Variants in DOK6 observed in about 807,000 individuals in gnomAD.
DOK6 encodes the protein downstream of tyrosine kinase 6.
A neutral mutation model predicts 44.0 loss-of-function variants in DOK6; 22 were observed. That is an observed-to-expected ratio of 0.50 (90% CI 0.36 to 0.71). DOK6 has a LOEUF of 0.71. DOK6 is among the 30% of genes least tolerant of loss of function. The probability of loss-of-function intolerance (pLI) is 0.00; values close to 1 mark genes in which losing one functional copy is unlikely to be tolerated. For missense variants in DOK6, 340 were observed against 416.4 expected (o/e 0.82, Z 1.60); for synonymous variants, 166 against 145.5 (o/e 1.14, Z -1.01).
At chr18:69,625,140 GC>G (rs1478863532) in intron 3 of DOK6, among the ~76,000 whole-genome samples, 2 of 152,216 alleles carry the variant, frequency 1.3e-5, no homozygotes, top group Middle Eastern at 3.4e-3. Context: ...TGTTCAAAAT[GC>G]CATTTAAAAG....
intron 1 of DOK6, 88 bp downstream of exon 1, chr18:69,401,398 G>A: frequency 7.3e-7 from 1 of 1,372,116 alleles, no homozygotes; most frequent in Middle Eastern, 1.9e-4. Context: ...GGTGACCCGT[G>A]CGGGTACAGG....
At chr18:69,554,068 G>A (rs1044084754) in intron 1 of DOK6, among the ~76,000 whole-genome samples, 8 of 152,070 alleles carry the variant, frequency 5.3e-5, no homozygotes, top group African/African-American at 9.7e-5. Flanking sequence ...AAAATGGGTC[G>A]CATAACATCT....
At chr18:69,660,029 G>A (rs1985483413) in intron 3 of DOK6, 1 of 150,982 alleles carries the variant, frequency 6.6e-6, no homozygotes, top group Admixed American at 6.6e-5. Flanking sequence ...ATGATTTGGG[G>A]GTGTCTTCCT....
At chr18:69,567,636 A>C (rs941296591) in intron 2 of DOK6, among the ~76,000 whole-genome samples, 2 of 152,214 alleles carry the variant, frequency 1.3e-5, no homozygotes, top group African/African-American at 4.8e-5. Context: ...TTACAGTCTT[A>C]AAATACCACT....
intron 2 of DOK6, among the ~76,000 whole-genome samples, chr18:69,584,418 G>A (rs1047227924): frequency 6.6e-6 from 1 of 151,896 alleles, no homozygotes; most frequent in Non-Finnish European, 1.5e-5. Context: ...TCAGCCACTC[G>A]AGTAGCTGAG....
At chr18:69,616,900 A>C (rs1207360071) in intron 3 of DOK6, among the ~76,000 whole-genome samples, 2 of 152,224 alleles carry the variant, frequency 1.3e-5, no homozygotes. Context: ...CTTTCATTTG[A>C]AATGTTGAAT....
At chr18:69,470,316 G>A (rs377375106) in intron 1 of DOK6, among the ~76,000 whole-genome samples, 15 of 152,112 alleles carry the variant, frequency 9.9e-5, no homozygotes, top group South Asian at 8.3e-4. Context: ...ACGTGACTCT[G>A]GAAGCTGGGA....
chr18:69,413,380 A>G (rs1316330595), intron 1 of DOK6, among the ~76,000 whole-genome samples: 2 of 152,122 alleles, frequency 1.3e-5, no homozygotes, highest in Admixed American at 6.6e-5. Context: ...CTGTTCAAAC[A>G]TGGGGATTTG....
rs1357827322 is a variant in DOK6 at position 69,843,437 on chromosome 18, G to A, written c.*2054G>A. 5 of 152,272 alleles carry A rather than the reference G, an allele frequency of 3.3e-5. No homozygotes were observed. The highest frequency in any genetic ancestry group is 1.2e-4 in the African/African-American group (5 of 41,462). The allele number at this position is 152,272 out of a possible 1,614,324, so 9.4% of individuals were successfully genotyped here. On this transcript the variant is annotated 3_prime_UTR_variant, in exon 8 of 8. Coordinates refer to ENST00000382713, the MANE Select transcript of DOK6 (RefSeq NM_152721.6). Reference sequence around the variant, plus strand: ...AGTTCCTAGTGGGGCCACATTCAGAGCAAGCCTCTCGCCGGCTCACTCAGT... The same window carrying A: ...AGTTCCTAGTGGGGCCACATTCAGAACAAGCCTCTCGCCGGCTCACTCAGT...
At chr18:69,606,187 G>T (rs1983991065) in intron 3 of DOK6, among the ~76,000 whole-genome samples, 1 of 151,934 alleles carries the variant, frequency 6.6e-6, no homozygotes, top group African/African-American at 2.4e-5. Context: ...CAGGATAATT[G>T]CTTGAACCCG....
intron 7 of DOK6, among the ~76,000 whole-genome samples, chr18:69,840,549 T>C (rs1398553480): frequency 6.6e-6 from 1 of 152,240 alleles, no homozygotes; most frequent in Non-Finnish European, 1.5e-5. Flanking sequence ...CTATTTCTCA[T>C]GCAGGGGTGC....
intron 5 of DOK6, among the ~76,000 whole-genome samples, chr18:69,708,715 C>T (rs1053362416): frequency 5.6e-5 from 8 of 143,012 alleles, no homozygotes; most frequent in African/African-American, 1.8e-4. Context: ...ACCCAGAAGG[C>T]AGATGTTGCA....
chr18:69,648,057 A>T (rs1304824512), intron 3 of DOK6, among the ~76,000 whole-genome samples: 1 of 152,188 alleles, frequency 6.6e-6, no homozygotes, highest in African/African-American at 2.4e-5. Flanking sequence ...TATAATCATC[A>T]TGAAGCCTGG....
intron 5 of DOK6, among the ~76,000 whole-genome samples, chr18:69,731,640 T>G (rs1391443795): frequency 1.3e-5 from 2 of 149,588 alleles, no homozygotes; most frequent in East Asian, 3.9e-4. Flanking sequence ...TGATTACACA[T>G]GATTACACAT....
At chr18:69,473,713 A>G (rs1256080907) in intron 1 of DOK6, among the ~76,000 whole-genome samples, 1 of 152,210 alleles carries the variant, frequency 6.6e-6, no homozygotes, top group Non-Finnish European at 1.5e-5. Flanking sequence ...GCTGAGGGAA[A>G]GAGACTCTAA....
rs1984176307 is a variant in DOK6, at chr18:69,612,456, A to AAG, written c.289+12958_289+12959insAG. 2.7e-5 allele frequency among the ~76,000 whole-genome samples: 4 copies of AAG among 146,594 alleles called. 1 individual carries two copies. The highest frequency in any genetic ancestry group is 4.6e-5 in the Non-Finnish European group (3 of 65,928). ...ATGTGTGCGAGGGCGCATGTGTGCG[A>AAG]GCGTGCATATGTATTTCTTGCTCTT... On this transcript the variant is annotated intron_variant, in intron 3 of 7. Transcript: ENST00000382713.
At chr18:69,774,884 A>T (rs1385935078) in intron 7 of DOK6, among the ~76,000 whole-genome samples, 1 of 152,026 alleles carries the variant, frequency 6.6e-6, no homozygotes, top group Non-Finnish European at 1.5e-5. Context: ...AGCATGAAAA[A>T]AATAAAAAGC....
intron 5 of DOK6, among the ~76,000 whole-genome samples, chr18:69,734,055 T>C (rs1240091786): frequency 1.3e-5 from 2 of 152,042 alleles, no homozygotes; most frequent in African/African-American, 4.8e-5. Flanking sequence ...TGAGTTTATG[T>C]AGAAATTCTT....
At chr18:69,571,090 A>G in intron 2 of DOK6, among the ~76,000 whole-genome samples, 1 of 152,002 alleles carries the variant, frequency 6.6e-6, no homozygotes, top group East Asian at 1.9e-4. Flanking sequence ...ATATAATGTA[A>G]AGATGTTGGT....
Sources: allele counts gnomAD v4.1 joint callset (sites outside exome capture counted in the v4.1 genomes callset), GRCh38; gene constraint gnomAD v4.1.1; transcripts MANE v1.5; gene names NCBI Gene and HGNC (gene_info 2026-07-23, HGNC 2026-07-21).